The following CTNNA3 variants were observed in gnomAD, a reference collection of about 807,000 sequenced individuals.
CTNNA3 encodes the protein catenin alpha-3.
A neutral mutation model predicts 95.7 loss-of-function variants in CTNNA3; 76 were observed. That is an observed-to-expected ratio of 0.79 (90% CI 0.66 to 0.96). CTNNA3 has a LOEUF of 0.96. Among genes scored for constraint, CTNNA3 ranks in the 40% least tolerant of loss-of-function variants. CTNNA3 has a pLI of 0.00. For missense variants in CTNNA3, 1,191 were observed against 1,089.8 expected, an observed-to-expected ratio of 1.09 and a Z score of -1.31; for synonymous variants, 431 against 374.4, an observed-to-expected ratio of 1.15 and a Z score of -1.74.
Position 65,920,300 on chromosome 10 carries a change from C to A in CTNNA3, c.*30G>T. On this transcript the variant is annotated 3_prime_UTR_variant, in exon 18 of 18. Transcript: ENST00000433211. ...GCAGTGTGGTTAGGCAGGATTTTGT[C>A]ATATAGGCACTATATGTAGAATAGT... 6.3e-7 allele frequency: 1 copy of A among 1,577,260 alleles called. No homozygotes were observed. Among genetic ancestry groups the A allele is most frequent in the African/African-American group, 1.4e-5 (1 of 73,518 alleles).
intron 7 of CTNNA3, among the ~76,000 whole-genome samples, chr10:67,020,882 AT>A (rs1458891097): frequency 1.3e-5 from 2 of 152,132 alleles, no homozygotes; most frequent in Admixed American, 6.6e-5. Flanking sequence ...GAAGAGGAAA[AT>A]AAGGGGCCTC....
At chr10:67,327,995 C>T (rs1308385862) in intron 5 of CTNNA3, among the ~76,000 whole-genome samples, 1 of 152,116 alleles carries the variant, frequency 6.6e-6, no homozygotes, top group Non-Finnish European at 1.5e-5. Context: ...ACCATAAGGG[C>T]AGAGCACTGG....
chr10:66,757,979 A>G (rs976232121), intron 9 of CTNNA3, among the ~76,000 whole-genome samples: 9 of 152,154 alleles, frequency 5.9e-5, no homozygotes, highest in East Asian at 1.9e-4. Context: ...AGTATTTTGC[A>G]TGATTTTGGC....
At chr10:66,016,258 G>C (rs2079093994) in intron 15 of CTNNA3, among the ~76,000 whole-genome samples, 2 of 152,176 alleles carry the variant, frequency 1.3e-5, no homozygotes, top group South Asian at 4.1e-4. Flanking sequence ...TAGTTGTTTT[G>C]TACCATTCAG....
At chr10:66,972,998 T>C (rs1433030052) in intron 7 of CTNNA3, among the ~76,000 whole-genome samples, 2 of 152,212 alleles carry the variant, frequency 1.3e-5, no homozygotes, top group Non-Finnish European at 2.9e-5. Context: ...TATTAAAAAC[T>C]AAGTCAACCA....
At chr10:66,414,520 A>G (rs1272567230) in intron 11 of CTNNA3, among the ~76,000 whole-genome samples, 1 of 152,182 alleles carries the variant, frequency 6.6e-6, no homozygotes. Context: ...CTCTCAGGCC[A>G]TGAAACTAAC....
intron 13 of CTNNA3, among the ~76,000 whole-genome samples, chr10:66,245,635 A>C (rs2090286139): frequency 6.6e-6 from 1 of 152,154 alleles, no homozygotes; most frequent in South Asian, 2.1e-4. Context: ...AGCTCCGAGC[A>C]CAGAAGAGAC....
At chr10:67,230,000 A>G (rs10997584) in intron 5 of CTNNA3, among the ~76,000 whole-genome samples, 32,359 of 152,002 alleles carry the variant, frequency 0.21, 4,065 homozygotes, top group African/African-American at 0.35. Flanking sequence ...CCAAAAAAGA[A>G]CCTGCATAGC....
intron 5 of CTNNA3, among the ~76,000 whole-genome samples, chr10:67,270,813 A>C (rs1170240325): frequency 1.3e-5 from 2 of 152,188 alleles, no homozygotes; most frequent in Non-Finnish European, 2.9e-5. Flanking sequence ...GCTAATTCGT[A>C]AAGAAGCCAT....
chr10:66,221,206 T>C (rs921591228), intron 13 of CTNNA3, among the ~76,000 whole-genome samples: 1 of 152,142 alleles, frequency 6.6e-6, no homozygotes, highest in Admixed American at 6.5e-5. Flanking sequence ...TTACACCAGC[T>C]CATCTGGTTG....
intron 12 of CTNNA3, among the ~76,000 whole-genome samples, chr10:66,289,723 A>C (rs2091647679): frequency 2.6e-5 from 4 of 152,026 alleles, no homozygotes; most frequent in African/African-American, 9.7e-5. Context: ...GAATTTCCAC[A>C]TGTTGGTTTA....
chr10:66,515,521 A>C (rs1451979076), intron 11 of CTNNA3, among the ~76,000 whole-genome samples: 1 of 152,114 alleles, frequency 6.6e-6, no homozygotes, highest in Non-Finnish European at 1.5e-5. Flanking sequence ...CTCTGAATAC[A>C]AAACAACATA....
rs144754697 is a variant in CTNNA3, at chr10:67,408,258, A to G, written c.579+113584T>C. Among the ~76,000 whole-genome samples, 33 of 152,328 alleles carry G rather than the reference A, an allele frequency of 2.2e-4. 1 individual carries two copies. The East Asian group carries it at 6.2e-3, about 28-fold the overall frequency. On this transcript the variant is annotated intron_variant, in intron 5 of 17. Transcript: ENST00000433211. The stretch of plus-strand genomic sequence containing the variant: ...TAAAATATTTTAAAATCAATACGGA[A>G]CCAAAATAGAACTCGTATAGCCAAT...
intron 5 of CTNNA3, among the ~76,000 whole-genome samples, chr10:67,453,866 A>G (rs61866945): frequency 1.3e-5 from 2 of 152,204 alleles, no homozygotes; most frequent in Non-Finnish European, 2.9e-5. Flanking sequence ...AAAGTGATCA[A>G]TCCCAGAGCA....
intron 7 of CTNNA3, among the ~76,000 whole-genome samples, chr10:66,840,071 G>A (rs530079201): frequency 1.1e-4 from 17 of 152,220 alleles, no homozygotes; most frequent in African/African-American, 4.1e-4. Context: ...TAGGCCAGGT[G>A]ATGCCCACTT....
At chr10:66,874,652 T>C (rs1004623614) in intron 7 of CTNNA3, among the ~76,000 whole-genome samples, 2 of 152,244 alleles carry the variant, frequency 1.3e-5, no homozygotes, top group African/African-American at 2.4e-5. Flanking sequence ...AGAATATTTC[T>C]ACTGAATTTC....
At chr10:66,207,634 T>A (rs2087846247) in intron 13 of CTNNA3, among the ~76,000 whole-genome samples, 1 of 152,054 alleles carries the variant, frequency 6.6e-6, no homozygotes, top group South Asian at 2.1e-4. Context: ...CCAACATTTT[T>A]AAAAACTGTT....
chr10:66,135,355 A>G (rs183133826), intron 13 of CTNNA3, among the ~76,000 whole-genome samples: 30 of 152,308 alleles, frequency 2.0e-4, no homozygotes, highest in African/African-American at 4.1e-4. Context: ...GATCATGACT[A>G]AAAACACAGA....
chr10:67,437,335 G>C (rs973442577), intron 5 of CTNNA3, among the ~76,000 whole-genome samples: 2 of 152,006 alleles, frequency 1.3e-5, no homozygotes, highest in Non-Finnish European at 2.9e-5. Flanking sequence ...GACTGGGAGT[G>C]GGGTGAGGGA....
Sources: gnomAD v4.1 joint callset for allele counts (sites outside exome capture counted in the v4.1 genomes callset) on GRCh38, gnomAD v4.1.1 for gene constraint, MANE v1.5 for transcripts, NCBI Gene and HGNC (gene_info 2026-07-23, HGNC 2026-07-21) for gene names.